The following AGAP1 variants were observed in gnomAD, a reference collection of about 807,000 sequenced individuals.
AGAP1 encodes ArfGAP with GTPase domain, ankyrin repeat and PH domain 1.
AGAP1 carries 29 observed loss-of-function variants against 105.3 expected under a neutral mutation model. That is an observed-to-expected ratio of 0.28 (90% CI 0.21 to 0.38). The LOEUF (loss-of-function observed/expected upper bound fraction) is 0.38. Ranked by LOEUF, AGAP1 falls within the 10% of genes least tolerant of loss-of-function variation. The pLI, the probability that AGAP1 is intolerant of heterozygous loss-of-function variation, is 1.00. For synonymous variants in AGAP1, 509 were observed against 485.9 expected, an observed-to-expected ratio of 1.05 and a Z score of -0.63; for missense variants, 998 against 1,165.1, an observed-to-expected ratio of 0.86 and a Z score of 2.09.
chr2:235,732,769 T>C lies in AGAP1; in HGVS notation c.311-8194T>C, dbSNP rs929796085. The stretch of plus-strand genomic sequence containing the variant: ...CTCATTCTGAGTCAAATCTAGGCTG[T>C]TGGGAGCCCGTGACCGCCCTGCTTC... On this transcript the variant is annotated intron_variant, in intron 3 of 17. Coordinates refer to ENST00000304032, the MANE Select transcript of AGAP1 (RefSeq NM_001037131.3). The surrounding 1 kb of genome is among the most constrained non-coding windows in gnomAD (Gnocchi z 4.8). Among the ~76,000 whole-genome samples the C allele has an allele frequency of 2.6e-5, 4 of 152,120 alleles. No homozygotes were observed. Among genetic ancestry groups the C allele is most frequent in the African/African-American group, 9.7e-5 (4 of 41,422 alleles).
rs1955245720 is a variant in AGAP1, at chr2:235,769,522, C to A, written c.673+19034C>A. ...GTTTCTGTCCTCCTTCCTGGGCAGG[C>A]CCTTTGCCCAAATGGTTGTTAAAGA... is the stretch of plus-strand genomic sequence containing the variant. On this transcript the variant is annotated intron_variant, in intron 6 of 17. Transcript: ENST00000304032. This position sits in a 1 kb window ranked among gnomAD's most constrained non-coding sequence, Gnocchi z 4.4. Among the ~76,000 whole-genome samples the A allele has an allele frequency of 6.6e-6, 1 of 152,228 alleles. No homozygotes were observed. Among genetic ancestry groups the A allele is most frequent in the South Asian group, 2.1e-4 (1 of 4,832 alleles).
rs1421758557 is a variant in AGAP1, at chr2:235,535,823, A to G, written c.163+40974A>G. Reference sequence around the variant, plus strand: ...CCGGCAGGCAGCGGCTCTGCTTTCCAGAACCTTCTGGGAGTGGCAGACACA... The same window carrying G: ...CCGGCAGGCAGCGGCTCTGCTTTCCGGAACCTTCTGGGAGTGGCAGACACA... On this transcript the variant is annotated intron_variant, in intron 1 of 17. Coordinates refer to ENST00000304032, the MANE Select transcript of AGAP1 (RefSeq NM_001037131.3). The surrounding 1 kb of genome is among the most constrained non-coding windows in gnomAD (Gnocchi z 5.1). 6.6e-6 allele frequency among the ~76,000 whole-genome samples: 1 copy of G among 152,040 alleles called. No individual in the cohort carries two copies. The highest frequency in any genetic ancestry group is 6.6e-5 in the Admixed American group (1 of 15,262).
chr2:235,904,209 A>G lies in AGAP1; in HGVS notation c.1156-4529A>G, dbSNP rs1419779689. Among the ~76,000 whole-genome samples, 1 of 152,250 alleles carries G rather than the reference A, an allele frequency of 6.6e-6. No homozygotes were observed. Among genetic ancestry groups the G allele is most frequent in the Middle Eastern group, 3.2e-3 (1 of 316 alleles). On this transcript the variant is annotated intron_variant, in intron 10 of 17. Coordinates refer to ENST00000304032, the MANE Select transcript of AGAP1 (RefSeq NM_001037131.3). This position sits in a 1 kb window ranked among gnomAD's most constrained non-coding sequence, Gnocchi z 4.2. ...TTAAGTGTACGGCAATAGATGCAAC[A>G]TAATTAGGAGCGAAATGTAAAAAAC...
Position 235,728,565 on chromosome 2 carries a change from G to T in AGAP1, c.310+10921G>T, listed in dbSNP as rs189248254. On this transcript the variant is annotated intron_variant, in intron 3 of 17. Coordinates refer to ENST00000304032, the MANE Select transcript of AGAP1 (RefSeq NM_001037131.3). This position sits in a 1 kb window ranked among gnomAD's most constrained non-coding sequence, Gnocchi z 4.3. ...GGGTCTGTGTGCAGGAGGAGTGCTA[G>T]TGTGAGAGCTGCTGGTGCCTGCCCT... Among the ~76,000 whole-genome samples, 2 of 152,166 alleles carry T rather than the reference G, an allele frequency of 1.3e-5. No individual in the cohort carries two copies. The highest frequency in any genetic ancestry group is 2.9e-5 in the Non-Finnish European group (2 of 68,036).
rs1249871164 is a variant in AGAP1, at chr2:235,983,316, T to G, written c.1645+14693T>G. 1.3e-5 allele frequency among the ~76,000 whole-genome samples: 2 copies of G among 152,200 alleles called. No individual in the cohort carries two copies. Among genetic ancestry groups the G allele is most frequent in the Non-Finnish European group, 2.9e-5 (2 of 68,028 alleles). ...GGTCTGGGCAAGGGGCTTCTCCCCT[T>G]GCTAGGCCCCCTCCTTTTGTTCAGC... On this transcript the variant is annotated intron_variant, in intron 13 of 17. Coordinates refer to ENST00000304032, the MANE Select transcript of AGAP1 (RefSeq NM_001037131.3). This position sits in a 1 kb window ranked among gnomAD's most constrained non-coding sequence, Gnocchi z 4.5.
intron 6 of AGAP1, among the ~76,000 whole-genome samples, chr2:235,758,974 G>C (rs992498052): frequency 6.6e-6 from 1 of 151,764 alleles, no homozygotes; most frequent in Non-Finnish European, 1.5e-5. Context: ...TGTATTTTTA[G>C]TAGAAATGGG....
chr2:235,694,307 G>A (rs891006770), intron 1 of AGAP1, among the ~76,000 whole-genome samples: 1 of 151,872 alleles, frequency 6.6e-6, no homozygotes, highest in African/African-American at 2.4e-5. Flanking sequence ...GTGAAACCCC[G>A]TCTCTACTAA....
Position 235,665,378 on chromosome 2 carries a change from T to C in AGAP1, c.164-43801T>C, listed in dbSNP as rs1948093602. Among the ~76,000 whole-genome samples the C allele has an allele frequency of 1.3e-5, 2 of 152,188 alleles. No homozygotes were observed. The highest frequency in any genetic ancestry group is 4.8e-5 in the African/African-American group (2 of 41,452). On this transcript the variant is annotated intron_variant, in intron 1 of 17. Transcript: ENST00000304032. This position sits in a 1 kb window ranked among gnomAD's most constrained non-coding sequence, Gnocchi z 5.3. ...CAGACCATACTTGTCCTTCCTCCAC[T>C]AGCAGATAAGGGTCAAGTCCTCATC...
At chr2:235,827,088 C>T (rs1347512808) in intron 9 of AGAP1, among the ~76,000 whole-genome samples, 1 of 152,168 alleles carries the variant, frequency 6.6e-6, no homozygotes. Flanking sequence ...TGTGCGTCTC[C>T]CCAGATTGCA....
In AGAP1 at chr2:236,113,670, G is replaced by T. The variant is rs909881594; in HGVS notation, c.2115-6522G>T. On this transcript the variant is annotated intron_variant, in intron 16 of 17. Transcript: ENST00000304032. The surrounding 1 kb of genome is among the most constrained non-coding windows in gnomAD (Gnocchi z 4.3). ...GGATGGACACAGGGAAGCCACCTTG[G>T]CCAAGTCACCACCCCTCAAGGTCAG... is the stretch of plus-strand genomic sequence containing the variant. 6.6e-6 allele frequency among the ~76,000 whole-genome samples: 1 copy of T among 152,122 alleles called. No homozygotes were observed. Among genetic ancestry groups the T allele is most frequent in the African/African-American group, 2.4e-5 (1 of 41,414 alleles).
chr2:236,074,366 C>T (rs76552478), intron 16 of AGAP1, among the ~76,000 whole-genome samples: 54 of 152,274 alleles, frequency 3.5e-4, no homozygotes, highest in South Asian at 8.3e-4. Context: ...TTCTTTGGGA[C>T]GACTTTGGAT....
intron 1 of AGAP1, among the ~76,000 whole-genome samples, chr2:235,495,450 C>T (rs1035884131): frequency 2.0e-5 from 3 of 152,242 alleles, no homozygotes; most frequent in Non-Finnish European, 4.4e-5. Flanking sequence ...TTGTACCAAC[C>T]AAAAGTCCGG....
intron 1 of AGAP1, among the ~76,000 whole-genome samples, chr2:235,704,787 A>C (rs1950441362): frequency 6.6e-6 from 1 of 152,094 alleles, no homozygotes; most frequent in Non-Finnish European, 1.5e-5. Flanking sequence ...AGGGATTTAG[A>C]ATCTGGCATT....
chr2:235,720,794 C>G lies in AGAP1; in HGVS notation c.310+3150C>G. 1 of 807,114 alleles carries G rather than the reference C, an allele frequency of 1.2e-6. No homozygotes were observed. The highest frequency in any genetic ancestry group is 1.3e-4 in the East Asian group (1 of 7,872). The allele number at this position is 807,114 out of a possible 1,614,324, so 50.0% of individuals were successfully genotyped here. A position where few individuals can be genotyped will look rare whatever the true frequency, so the allele number is the denominator to read the frequency against. On this transcript the variant is annotated intron_variant, in intron 3 of 17. Transcript: ENST00000304032. The surrounding 1 kb of genome is among the most constrained non-coding windows in gnomAD (Gnocchi z 5.0). ...GGGAGGGGTGAGGGTGAGGGCCTTC[C>G]TGTCTTCAGGGGAGAGCTCTCTCGT...
intron 1 of AGAP1, among the ~76,000 whole-genome samples, chr2:235,619,778 T>A (rs1046483800): frequency 1.3e-5 from 2 of 152,190 alleles, no homozygotes; most frequent in East Asian, 3.9e-4. Flanking sequence ...TGCTGCACAT[T>A]GTCCCAGCAG....
At chr2:235,804,205 GC>G (rs1957724669) in intron 8 of AGAP1, among the ~76,000 whole-genome samples, 1 of 152,176 alleles carries the variant, frequency 6.6e-6, no homozygotes, top group South Asian at 2.1e-4. Flanking sequence ...CTGTGTCCAT[GC>G]TGTAAACTTG....
In AGAP1 at chr2:235,690,345, T is replaced by TA. The variant is rs1949681057; in HGVS notation, c.164-18834_164-18833insA. Among the ~76,000 whole-genome samples, 1 of 130 alleles carries TA rather than the reference T, an allele frequency of 7.7e-3. No individual in the cohort carries two copies. The highest frequency in any genetic ancestry group is 0.045 in the African/African-American group (1 of 22). 0.1% of individuals were successfully genotyped at this position (130 alleles called of 152,430 possible). On this transcript the variant is annotated intron_variant, in intron 1 of 17. Coordinates refer to ENST00000304032, the MANE Select transcript of AGAP1 (RefSeq NM_001037131.3). The surrounding 1 kb of genome is among the most constrained non-coding windows in gnomAD (Gnocchi z 4.1). ...TGGACTCCTGGGGCTGGGGAGGCCG[T>TA]GCCCTGGGGGCAGGTGCAGGAGGGA...
chr2:236,077,143 AT>A (rs1270345150), intron 16 of AGAP1, among the ~76,000 whole-genome samples: 54 of 118,108 alleles, frequency 4.6e-4, no homozygotes, highest in East Asian at 9.6e-4. Flanking sequence ...AAAAAAAAAA[AT>A]ATATATATAT....
rs1045421162 is a variant in AGAP1, at chr2:235,981,064, T to C, written c.1645+12441T>C. 5.3e-5 allele frequency among the ~76,000 whole-genome samples: 8 copies of C among 152,176 alleles called. No individual in the cohort carries two copies. Among genetic ancestry groups the C allele is most frequent in the African/African-American group, 1.9e-4 (8 of 41,424 alleles). Reference sequence around the variant, plus strand: ...TAGGAAAACTTCTAAGGTGTTTTATTTTTTTGTTTTAACATTTTGTGCAAG... The same window carrying C: ...TAGGAAAACTTCTAAGGTGTTTTATCTTTTTGTTTTAACATTTTGTGCAAG... On this transcript the variant is annotated intron_variant, in intron 13 of 17. Coordinates refer to ENST00000304032, the MANE Select transcript of AGAP1 (RefSeq NM_001037131.3). This position sits in a 1 kb window ranked among gnomAD's most constrained non-coding sequence, Gnocchi z 5.5.
Sources: allele counts gnomAD v4.1 joint callset (sites outside exome capture counted in the v4.1 genomes callset), GRCh38; gene constraint gnomAD v4.1.1; non-coding constraint Gnocchi (gnomAD v3.1); transcripts MANE v1.5; gene names NCBI Gene and HGNC (gene_info 2026-07-23, HGNC 2026-07-21).